FANCA: variants seen among roughly 807,000 people sequenced by gnomAD.
FANCA encodes FA complementation group A, also known as Fanconi anemia group A protein.
A neutral mutation model predicts 194.3 loss-of-function variants in FANCA; 236 were observed. The ratio of observed to expected loss-of-function variants is 1.21; its 90% CI spans 1.09 to 1.35. The LOEUF (loss-of-function observed/expected upper bound fraction) is 1.35. Among genes scored for constraint, FANCA ranks in the 40% most tolerant of loss-of-function variants. FANCA has a pLI of 0.00. For synonymous variants in FANCA, 1,014 were observed against 715.8 expected (o/e 1.42, Z -6.65); for missense variants, 2,628 against 1,813.9 (o/e 1.45, Z -8.15).
At chr16:89,769,064 C>G (rs1193326943) in intron 26 of FANCA, among the ~76,000 whole-genome samples, 1 of 152,206 alleles carries the variant, frequency 6.6e-6, no homozygotes, top group Non-Finnish European at 1.5e-5. Flanking sequence ...ATCTGACTCC[C>G]TCTCCTTGCT....
intron 30 of FANCA, 42 bp downstream of exon 30, chr16:89,758,535 C>T (rs1328074584): frequency 2.5e-6 from 4 of 1,606,920 alleles, no homozygotes; most frequent in Middle Eastern, 1.7e-4. Context: ...TCCTATTAGT[C>T]CTGTCCCTCC....
At chr16:89,772,357 G>A (rs535122186) in intron 22 of FANCA, among the ~76,000 whole-genome samples, 2 of 152,324 alleles carry the variant, frequency 1.3e-5, no homozygotes, top group Non-Finnish European at 2.9e-5. Context: ...AGGAACTGGC[G>A]CACTTGGTCT....
At position 89,810,981 on chromosome 16, in the gene FANCA, C is replaced by T. The variant is rs761165542; in HGVS notation, c.374G>A (p.Cys125Tyr). ...GMVASSVGQICTAPAETSHPV... is the reference protein window; with the variant it reads ...GMVASSVGQIYTAPAETSHPV... ...GTGACTGGTCTCCGCTGGAGCCGTGCAGATCTGTCCCACGCTAGAGGCAAC... is the reference window on the plus strand; with the variant it reads ...GTGACTGGTCTCCGCTGGAGCCGTGTAGATCTGTCCCACGCTAGAGGCAAC... The change falls in exon 4 of 43, where the codon TGC becomes TAC. Residue 125 changes from cysteine (C) to tyrosine (Y), a missense_variant. Cys to Tyr is a radical substitution (Grantham distance 194, BLOSUM62 -2). Coordinates refer to ENST00000389301, the MANE Select transcript of FANCA (RefSeq NM_000135.4). The T allele has an allele frequency of 1.2e-6, 2 of 1,614,080 alleles. No homozygotes were observed. Among genetic ancestry groups the T allele is most frequent in the Admixed American group, 1.7e-5 (1 of 60,024 alleles).
intron 27 of FANCA, 68 bp downstream of exon 27, chr16:89,767,072 TC>T (rs1042910995): frequency 7.8e-7 from 1 of 1,277,056 alleles, no homozygotes; most frequent in Non-Finnish European, 1.1e-6. Flanking sequence ...ACCTCGGCCT[TC>T]CGGTCCGAAA....
intron 28 of FANCA, chr16:89,762,761 G>C (rs1196062480): frequency 6.6e-6 from 3 of 452,594 alleles, no homozygotes; most frequent in South Asian, 3.1e-5. Context: ...CTCTCAGATG[G>C]CTGGGACTGC....
At chr16:89,747,491 G>A (rs1445467322) in intron 33 of FANCA, among the ~76,000 whole-genome samples, 2 of 152,170 alleles carry the variant, frequency 1.3e-5, no homozygotes, top group African/African-American at 2.4e-5. Context: ...ACGAGGTCAG[G>A]AGTTCAAGAC....
intron 36 of FANCA, 152 bp downstream of exon 36, chr16:89,744,807 C>A (rs1222613414): frequency 2.7e-6 from 2 of 746,394 alleles, no homozygotes; most frequent in Admixed American, 4.0e-5. Context: ...CAGGCGCCCA[C>A]CACCACGAGA....
intron 27 of FANCA, among the ~76,000 whole-genome samples, chr16:89,766,046 G>C (rs1373426435): frequency 2.6e-5 from 4 of 151,592 alleles, no homozygotes; most frequent in Non-Finnish European, 5.9e-5. Flanking sequence ...GCCCAGGCTG[G>C]AGTGCAGTGG....
rs2040501439 is a variant in FANCA, at chr16:89,802,806, T to C, written c.792+453A>G. On this transcript the variant is annotated intron_variant, in intron 8 of 42. Coordinates refer to ENST00000389301, the MANE Select transcript of FANCA (RefSeq NM_000135.4). ...AATAAGCCAGGCACAGAAGGACAAATATTGCATGTTATCACAAATATGTGG... is the reference window on the plus strand; with the variant it reads ...AATAAGCCAGGCACAGAAGGACAAACATTGCATGTTATCACAAATATGTGG... Among the ~76,000 whole-genome samples, 3 of 152,178 alleles carry C rather than the reference T, an allele frequency of 2.0e-5. No homozygotes were observed. In the South Asian group the frequency reaches 6.2e-4, roughly 32 times the overall value.
At chr16:89,771,886 T>A (rs996733192) in intron 22 of FANCA, 72 bp from the exon 23 acceptor site, 22 of 1,570,416 alleles carry the variant, frequency 1.4e-5, no homozygotes, top group Non-Finnish European at 1.8e-5. Flanking sequence ...CCTAGAGAGC[T>A]CCGCCTCCCG....
At chr16:89,796,139 G>A in intron 10 of FANCA, 121 bp from the exon 11 acceptor site, 1 of 767,158 alleles carries the variant, frequency 1.3e-6, no homozygotes, top group Non-Finnish European at 2.3e-6. Context: ...GGGCTTTCTT[G>A]GCCAGGCCAC....
At chr16:89,740,692 C>T (rs2062110383) in intron 38 of FANCA, 112 bp downstream of exon 38, 1 of 817,906 alleles carries the variant, frequency 1.2e-6, no homozygotes, top group Non-Finnish European at 2.1e-6. Context: ...CTTCCGCAAA[C>T]ACAAGGAGCT....
chr16:89,783,886 C>T (rs940035473), intron 15 of FANCA, among the ~76,000 whole-genome samples: 2 of 139,018 alleles, frequency 1.4e-5, no homozygotes, highest in Non-Finnish European at 3.1e-5. Flanking sequence ...GCCTCAGCCT[C>T]CTGAGTAGCT....
chr16:89,756,518 G>C (rs1252203421), intron 30 of FANCA, among the ~76,000 whole-genome samples: 1 of 152,150 alleles, frequency 6.6e-6, no homozygotes, highest in Non-Finnish European at 1.5e-5. Flanking sequence ...CCAGCTACTT[G>C]AGGGGCTGAA....
intron 35 of FANCA, among the ~76,000 whole-genome samples, chr16:89,745,975 A>G (rs145789840): frequency 6.6e-6 from 1 of 152,210 alleles, no homozygotes; most frequent in South Asian, 2.1e-4. Flanking sequence ...CCTGGGGAAC[A>G]TGCCGTGCTG....
intron 8 of FANCA, among the ~76,000 whole-genome samples, chr16:89,800,215 G>A (rs2040397027): frequency 6.6e-6 from 1 of 152,210 alleles, no homozygotes. Context: ...AGTGAAGAGA[G>A]GAAAGCTCAG....
intron 3 of FANCA, among the ~76,000 whole-genome samples, chr16:89,811,368 T>G (rs1254739556): frequency 6.6e-6 from 1 of 152,254 alleles, no homozygotes; most frequent in Non-Finnish European, 1.5e-5. Flanking sequence ...CCAAGAACTT[T>G]ATCATCTTTT....
At chr16:89,749,960 CG>C (rs2038525801) in intron 31 of FANCA, 58 bp from the exon 32 acceptor site, 6 of 1,595,286 alleles carry the variant, frequency 3.8e-6, no homozygotes, top group Non-Finnish European at 5.1e-6. Flanking sequence ...CCCAGCCAGT[CG>C]GGGACCCAGA....
At chr16:89,769,662 G>C (rs188946740) in intron 26 of FANCA, 175 bp downstream of exon 26, 9 of 708,012 alleles carry the variant, frequency 1.3e-5, no homozygotes, top group Middle Eastern at 3.4e-4. Context: ...ACAAACGCAC[G>C]CATATTATAA....
Sources: allele counts gnomAD v4.1 joint callset (sites outside exome capture counted in the v4.1 genomes callset), GRCh38; gene constraint gnomAD v4.1.1; transcripts MANE v1.5; gene names NCBI Gene and HGNC (gene_info 2026-07-23, HGNC 2026-07-21).